Variants in SESTD1 observed in about 807,000 individuals in gnomAD.
The protein encoded by SESTD1 is SEC14 domain and spectrin repeat-containing protein 1.
Under a neutral mutation model 101.7 loss-of-function variants are expected in SESTD1, and 43 were observed. The observed-to-expected ratio is 0.42, with a 90% CI of 0.33 to 0.55. SESTD1 has a LOEUF of 0.55. Among genes scored for constraint, SESTD1 ranks in the 20% least tolerant of loss-of-function variants. SESTD1 has a pLI of 0.07. For synonymous variants in SESTD1, 283 were observed against 286.8 expected (o/e 0.99, Z 0.13); for missense variants, 647 against 815.1 (o/e 0.79, Z 2.51).
At chr2:179,144,867 A>G (rs1382299545) in intron 8 of SESTD1, among the ~76,000 whole-genome samples, 1 of 151,982 alleles carries the variant, frequency 6.6e-6, no homozygotes, top group Non-Finnish European at 1.5e-5. Context: ...TCTTAATTCA[A>G]TGAATTAAAA....
chr2:179,140,414 C>T (rs556562080), intron 9 of SESTD1, among the ~76,000 whole-genome samples: 1 of 151,990 alleles, frequency 6.6e-6, no homozygotes, highest in African/African-American at 2.4e-5. Context: ...AGAGAGAAGA[C>T]AATGTGAAGA....
At chr2:179,236,569 T>C (rs1354140766) in intron 1 of SESTD1, among the ~76,000 whole-genome samples, 1 of 152,018 alleles carries the variant, frequency 6.6e-6, no homozygotes, top group Non-Finnish European at 1.5e-5. Flanking sequence ...AGGGTAGATG[T>C]TAAGAAAGCC....
Position 179,103,058 on chromosome 2 carries a change from G to T in SESTD1, c.*6841C>A, listed in dbSNP as rs2044306160. ...AATGATCAGTCTTACTTTACCTACT[G>T]AAAACGGGTGGTGAAAGTTAGTAAC... On this transcript the variant is annotated 3_prime_UTR_variant, in exon 18 of 18. Transcript: ENST00000428443. 6.6e-6 allele frequency: 1 copy of T among 152,074 alleles called. No individual in the cohort carries two copies. Among genetic ancestry groups the T allele is most frequent in the Non-Finnish European group, 1.5e-5 (1 of 68,006 alleles). The allele number at this position is 152,074 out of a possible 1,614,324, so 9.4% of individuals were successfully genotyped here. A position where few individuals can be genotyped will look rare whatever the true frequency, so the allele number is the denominator to read the frequency against.
intron 5 of SESTD1, among the ~76,000 whole-genome samples, chr2:179,152,597 T>A (rs867910138): frequency 1.3e-5 from 2 of 152,092 alleles, no homozygotes; most frequent in African/African-American, 4.8e-5. Context: ...ACAAGGTACA[T>A]CCATACTGTA....
At chr2:179,151,573 T>A (rs1437761952) in intron 5 of SESTD1, among the ~76,000 whole-genome samples, 182 bp from the exon 6 acceptor site, 1 of 152,114 alleles carries the variant, frequency 6.6e-6, no homozygotes, top group Non-Finnish European at 1.5e-5. Context: ...GATAAAAAAT[T>A]CATCAAAAAT....
chr2:179,106,266 T>G lies in SESTD1; in HGVS notation c.*3633A>C, dbSNP rs777830453. The G allele has an allele frequency of 6.6e-6, 1 of 152,220 alleles. No individual in the cohort carries two copies. The highest frequency in any genetic ancestry group is 1.5e-5 in the Non-Finnish European group (1 of 68,032). 9.4% of individuals were successfully genotyped at this position (152,220 alleles called of 1,614,324 possible). A position where few individuals can be genotyped will look rare whatever the true frequency, so the allele number is the denominator to read the frequency against. ...TGTACCATTCCCTATAGGCTGAAGA[T>G]GTAAAGGACATTAGCAACCACAGTA... On this transcript the variant is annotated 3_prime_UTR_variant, in exon 18 of 18. Coordinates refer to ENST00000428443, the MANE Select transcript of SESTD1 (RefSeq NM_178123.5).
intron 3 of SESTD1, among the ~76,000 whole-genome samples, chr2:179,180,956 A>T (rs2105483629): frequency 6.6e-6 from 1 of 152,284 alleles, no homozygotes; most frequent in Middle Eastern, 3.4e-3. Context: ...AGAAGGCCAA[A>T]CTTTAGCAAA....
At chr2:179,130,471 T>C (rs2044985510) in intron 10 of SESTD1, among the ~76,000 whole-genome samples, 2 of 152,082 alleles carry the variant, frequency 1.3e-5, no homozygotes, top group African/African-American at 4.8e-5. Flanking sequence ...AAAACCAACA[T>C]CTGAACATAG....
chr2:179,169,751 G>A (rs937373764), intron 5 of SESTD1, among the ~76,000 whole-genome samples: 2 of 152,102 alleles, frequency 1.3e-5, no homozygotes, highest in Non-Finnish European at 2.9e-5. Context: ...GGAGGCCGAG[G>A]TGGGCAGATC....
intron 10 of SESTD1, among the ~76,000 whole-genome samples, chr2:179,129,180 G>A (rs1162196091): frequency 6.6e-6 from 1 of 152,232 alleles, no homozygotes; most frequent in Non-Finnish European, 1.5e-5. Flanking sequence ...TGGTTTCTTT[G>A]TAGACCAGAA....
intron 5 of SESTD1, among the ~76,000 whole-genome samples, chr2:179,156,585 G>A (rs962830163): frequency 9.2e-5 from 14 of 152,124 alleles, no homozygotes; most frequent in African/African-American, 3.4e-4. Flanking sequence ...GTGATGTTGA[G>A]CATTTTTTCA....
At chr2:179,180,612 T>C (rs747475) in intron 3 of SESTD1, among the ~76,000 whole-genome samples, 98,386 of 152,076 alleles carry the variant, frequency 0.65, 32,947 homozygotes, top group East Asian at 0.85. Flanking sequence ...ACAAAGTACA[T>C]TATTAGTTTT....
intron 1 of SESTD1, among the ~76,000 whole-genome samples, chr2:179,257,203 C>T (rs1040646811): frequency 1.3e-5 from 2 of 151,444 alleles, no homozygotes; most frequent in Non-Finnish European, 2.9e-5. Context: ...TATTCTGGTT[C>T]AGGGGGCTGC....
At chr2:179,257,623 A>G (rs1310291747) in intron 1 of SESTD1, among the ~76,000 whole-genome samples, 2 of 152,234 alleles carry the variant, frequency 1.3e-5, no homozygotes, top group South Asian at 4.1e-4. Context: ...AGACACAATA[A>G]ATGAACTATA....
At chr2:179,143,190 T>A (rs998690331) in intron 9 of SESTD1, among the ~76,000 whole-genome samples, 1 of 152,160 alleles carries the variant, frequency 6.6e-6, no homozygotes, top group Non-Finnish European at 1.5e-5. Flanking sequence ...TTAGAATCAT[T>A]TGCATTACAT....
rs2044390980 is a variant in SESTD1 at position 179,106,705 on chromosome 2, G to A, written c.*3194C>T. The A allele has an allele frequency of 6.6e-6, 1 of 152,062 alleles. No individual in the cohort carries two copies. The allele number at this position is 152,062 out of a possible 1,614,324, so 9.4% of individuals were successfully genotyped here. On this transcript the variant is annotated 3_prime_UTR_variant, in exon 18 of 18. Transcript: ENST00000428443. ...ATTCAATCTTCTACCTAACAATGAA[G>A]CCTAGACCTGCCATCAATATCCCAG...
At chr2:179,194,576 A>C (rs1173552363) in intron 1 of SESTD1, among the ~76,000 whole-genome samples, 1 of 152,142 alleles carries the variant, frequency 6.6e-6, no homozygotes, top group Non-Finnish European at 1.5e-5. Flanking sequence ...GAGCAGATGA[A>C]GTGCATACCC....
Position 179,112,919 on chromosome 2 carries a change from C to A in SESTD1, c.1840-74G>T, listed in dbSNP as rs913039177. 6 of 1,469,642 alleles carry A rather than the reference C, an allele frequency of 4.1e-6. No homozygotes were observed. The African/African-American group carries it at 4.3e-5, about 11-fold the overall frequency. The allele number at this position is 1,469,642 out of a possible 1,614,324, so 91.0% of individuals were successfully genotyped here. A position where few individuals can be genotyped will look rare whatever the true frequency, so the allele number is the denominator to read the frequency against. ...GCAGTTTCAGAGGATCACCCCACCCCACAAAAAAAAAGAGAGAAAAGAAAG... is the reference window on the plus strand; with the variant it reads ...GCAGTTTCAGAGGATCACCCCACCCAACAAAAAAAAAGAGAGAAAAGAAAG... On this transcript the variant is annotated intron_variant, in intron 16 of 17. Coordinates refer to ENST00000428443, the MANE Select transcript of SESTD1 (RefSeq NM_178123.5).
chr2:179,200,326 C>T (rs1197368250), intron 1 of SESTD1, among the ~76,000 whole-genome samples: 4 of 152,024 alleles, frequency 2.6e-5, no homozygotes, highest in Non-Finnish European at 5.9e-5. Context: ...GAATCAATAT[C>T]GTGAAAATGG....
Sources: gnomAD v4.1 joint callset for allele counts (sites outside exome capture counted in the v4.1 genomes callset) on GRCh38, gnomAD v4.1.1 for gene constraint, MANE v1.5 for transcripts, NCBI Gene and HGNC (gene_info 2026-07-23, HGNC 2026-07-21) for gene names.